POU2F1: variants seen among roughly 807,000 people sequenced by gnomAD.
POU2F1 encodes the protein POU class 2 homeobox 1.
In POU2F1, 16 loss-of-function variants were observed where a neutral mutation model predicts 84.9. The ratio of observed to expected loss-of-function variants is 0.19; its 90% CI spans 0.13 to 0.29. The LOEUF is 0.29. POU2F1 is among the 10% of genes least tolerant of loss of function. The probability of loss-of-function intolerance (pLI) is 1.00; values close to 1 mark genes in which losing one functional copy is unlikely to be tolerated. For missense variants in POU2F1, 738 were observed against 942.6 expected (o/e 0.78, Z 2.84); for synonymous variants, 368 against 368.3 (o/e 1.00, Z 0.01).
chr1:167,333,545 C>A (rs1657219971), intron 2 of POU2F1, among the ~76,000 whole-genome samples: 1 of 152,170 alleles, frequency 6.6e-6, no homozygotes, highest in African/African-American at 2.4e-5. Context: ...ACTAATGTAG[C>A]AGTTTTCCTG....
In POU2F1 at chr1:167,232,735, C is replaced by T. The variant is rs554219034; in HGVS notation, c.61+11777C>T. ...GCACACGCCCATAATCCCAGCTACT[C>T]GGGAGGCTGAGGCAGGAGAATCACT... On this transcript the variant is annotated intron_variant, in intron 1 of 15. Coordinates refer to ENST00000367866, the MANE Select transcript of POU2F1 (RefSeq NM_002697.4). Among the ~76,000 whole-genome samples the T allele has an allele frequency of 3.3e-5, 5 of 151,778 alleles. No homozygotes were observed. In the East Asian group the frequency reaches 7.8e-4, roughly 24 times the overall value.
At chr1:167,244,890 T>A (rs1449304381) in intron 1 of POU2F1, among the ~76,000 whole-genome samples, 1 of 152,134 alleles carries the variant, frequency 6.6e-6, no homozygotes, top group African/African-American at 2.4e-5. Context: ...GGAGTGCAGG[T>A]AAAATCAGGA....
At chr1:167,343,524 A>C (rs778619835) in intron 2 of POU2F1, among the ~76,000 whole-genome samples, 150 of 151,434 alleles carry the variant, frequency 9.9e-4, no homozygotes, top group Non-Finnish European at 1.9e-3. Context: ...CAGCCATGTT[A>C]TACTTTACAT....
chr1:167,343,760 C>T (rs1382453099), intron 2 of POU2F1, among the ~76,000 whole-genome samples: 2 of 139,364 alleles, frequency 1.4e-5, no homozygotes, highest in African/African-American at 5.3e-5. Flanking sequence ...TGGTAGCATT[C>T]TCTGAGTAGG....
At chr1:167,363,977 G>A (rs1164930110) in intron 2 of POU2F1, among the ~76,000 whole-genome samples, 1 of 152,206 alleles carries the variant, frequency 6.6e-6, no homozygotes, top group African/African-American at 2.4e-5. Context: ...GTGTGCACAT[G>A]TAAGTGTAAG....
At position 167,422,112 on chromosome 1, in the gene POU2F1, A is replaced by C. The variant is rs1650685338; in HGVS notation, c.*6302A>C. On this transcript the variant is annotated 3_prime_UTR_variant, in exon 16 of 16. Coordinates refer to ENST00000367866, the MANE Select transcript of POU2F1 (RefSeq NM_002697.4). ...GTGTCCAGTAGGTTCAGGGACCCTG[A>C]GGGTGCATTTACATCCCTTCCTATG... 1 of 152,250 alleles carries C rather than the reference A, an allele frequency of 6.6e-6. No individual in the cohort carries two copies. Among genetic ancestry groups the C allele is most frequent in the African/African-American group, 2.4e-5 (1 of 41,420 alleles). 9.4% of individuals were successfully genotyped at this position (152,250 alleles called of 1,614,324 possible).
chr1:167,288,984 G>T (rs542002173), intron 1 of POU2F1, among the ~76,000 whole-genome samples: 1 of 152,096 alleles, frequency 6.6e-6, no homozygotes, highest in Non-Finnish European at 1.5e-5. Flanking sequence ...ATCACAAACC[G>T]GAAGCTTGGT....
intron 2 of POU2F1, chr1:167,357,368 A>AC (rs1557922195): frequency 3.6e-5 from 1 of 27,834 alleles, no homozygotes; most frequent in Non-Finnish European, 6.1e-5. Context: ...CTCCCCCCCC[A>AC]CCCCCCCCCC....
At chr1:167,274,286 T>C (rs1324205050) in intron 1 of POU2F1, among the ~76,000 whole-genome samples, 1 of 152,172 alleles carries the variant, frequency 6.6e-6, no homozygotes, top group Non-Finnish European at 1.5e-5. Context: ...CCCTGTTGCT[T>C]TAGGTAAAGT....
At chr1:167,224,626 AGTTT>A (rs1648485076) in intron 1 of POU2F1, among the ~76,000 whole-genome samples, 1 of 152,182 alleles carries the variant, frequency 6.6e-6, no homozygotes, top group Admixed American at 6.5e-5. Context: ...TTTAATTATT[AGTTT>A]ATTTTAAGGT....
intron 1 of POU2F1, among the ~76,000 whole-genome samples, chr1:167,329,546 T>C (rs1203512826): frequency 6.6e-6 from 1 of 152,174 alleles, no homozygotes; most frequent in Non-Finnish European, 1.5e-5. Flanking sequence ...ACAGTTAATT[T>C]AGAGTTCAGC....
rs146086696 is a variant in POU2F1, at chr1:167,261,660, A to C, written c.61+40702A>C. ...ATCTGTACCAGCTCTTTGGAAATTC[A>C]TATTCAATTTAGGATTTGATTTTGT... On this transcript the variant is annotated intron_variant, in intron 1 of 15. Coordinates refer to ENST00000367866, the MANE Select transcript of POU2F1 (RefSeq NM_002697.4). Among the ~76,000 whole-genome samples the C allele has an allele frequency of 4.3e-3, 649 of 152,276 alleles. 11 individuals carry two copies. The highest frequency in any genetic ancestry group is 0.015 in the African/African-American group (627 of 41,564).
At chr1:167,313,647 C>G (rs1042233814) in intron 1 of POU2F1, among the ~76,000 whole-genome samples, 1 of 151,962 alleles carries the variant, frequency 6.6e-6, no homozygotes, top group African/African-American at 2.4e-5. Flanking sequence ...CATAAAAAAA[C>G]AAAACAGAAG....
At chr1:167,395,994 C>G (rs1441555201) in intron 9 of POU2F1, among the ~76,000 whole-genome samples, 1 of 152,004 alleles carries the variant, frequency 6.6e-6, no homozygotes, top group East Asian at 1.9e-4. Context: ...TTTTTGATAC[C>G]TAGTTGAAAT....
At chr1:167,332,180 C>G (rs956492328) in intron 1 of POU2F1, among the ~76,000 whole-genome samples, 2 of 152,048 alleles carry the variant, frequency 1.3e-5, no homozygotes, top group East Asian at 1.9e-4. Flanking sequence ...ATCAGGCTTT[C>G]TAATTTTCTT....
intron 7 of POU2F1, chr1:167,379,615 G>A (rs1392094148): frequency 6.6e-6 from 1 of 152,170 alleles, no homozygotes; most frequent in Admixed American, 6.6e-5. Flanking sequence ...AACTAGTGGA[G>A]AGTGGTAATC....
chr1:167,350,673 C>CAAAAAAAA (rs56240224), intron 2 of POU2F1, among the ~76,000 whole-genome samples: 1 of 58,718 alleles, frequency 1.7e-5, no homozygotes, highest in African/African-American at 5.6e-5. Flanking sequence ...GACTCCATCT[C>CAAAAAAAA]AAAAAAAAAA....
At chr1:167,375,829 T>C (rs149301515) in intron 6 of POU2F1, among the ~76,000 whole-genome samples, 200 bp from the exon 7 acceptor site, 24 of 152,338 alleles carry the variant, frequency 1.6e-4, no homozygotes, top group Middle Eastern at 3.4e-3. Context: ...TCCACAAAAA[T>C]AGTCAGTTGC....
At chr1:167,287,835 A>G (rs1409673484) in intron 1 of POU2F1, among the ~76,000 whole-genome samples, 1 of 152,242 alleles carries the variant, frequency 6.6e-6, no homozygotes, top group Non-Finnish European at 1.5e-5. Flanking sequence ...TTCTGCACCT[A>G]GACACATTAT....
Sources: gnomAD v4.1 joint callset for allele counts (sites outside exome capture counted in the v4.1 genomes callset) on GRCh38, gnomAD v4.1.1 for gene constraint, MANE v1.5 for transcripts, NCBI Gene and HGNC (gene_info 2026-07-23, HGNC 2026-07-21) for gene names.